The following STYXL2 variants were observed in gnomAD, a reference collection of about 807,000 sequenced individuals.
STYXL2 encodes the protein serine/threonine/tyrosine interacting like 2, also known as serine/threonine/tyrosine-interacting-like protein 2.
Under a neutral mutation model 52.4 loss-of-function variants are expected in STYXL2, and 44 were observed. The ratio of observed to expected loss-of-function variants is 0.84; its 90% CI spans 0.66 to 1.08. STYXL2 has a LOEUF of 1.08. STYXL2 is among the 50% of genes least tolerant of loss of function. The probability of loss-of-function intolerance (pLI) is 0.00; values close to 1 mark genes in which losing one functional copy is unlikely to be tolerated. For missense variants in STYXL2, 1,604 were observed against 1,471.7 expected (o/e 1.09, Z -1.47); for synonymous variants, 604 against 586.9 (o/e 1.03, Z -0.42).
chr1:167,105,223 A>C (rs190699829), intron 2 of STYXL2, among the ~76,000 whole-genome samples: 5 of 146,478 alleles, frequency 3.4e-5, no homozygotes, highest in Non-Finnish European at 7.4e-5. Context: ...CAACCCACTG[A>C]ATTGATTTTA....
intron 2 of STYXL2, among the ~76,000 whole-genome samples, chr1:167,111,695 C>T (rs919102079): frequency 2.0e-5 from 3 of 151,302 alleles, no homozygotes; most frequent in Non-Finnish European, 2.9e-5. Flanking sequence ...AGCTAAGGTA[C>T]GAGGAGGCAA....
rs1667751962 is a variant in STYXL2, at chr1:167,117,453, A to G, written c.331A>G (p.Asn111Asp). 1 of 1,612,764 alleles carries G rather than the reference A, an allele frequency of 6.2e-7. No homozygotes were observed. The highest frequency in any genetic ancestry group is 1.1e-5 in the South Asian group (1 of 90,574). The change falls in exon 4 of 6, where the codon AAT (asparagine) becomes GAT (aspartate). Residue 111 changes from asparagine to aspartate, a missense_variant. By Grantham distance (23) the Asn-to-Asp change is conservative. Coordinates refer to ENST00000361200, the MANE Select transcript of STYXL2 (RefSeq NM_001080426.3). ...REKMDDTSLY[N>D]TPCVLDLQRA... is the part of the protein sequence containing the mutation. The stretch of plus-strand genomic sequence containing the variant: ...GAAGATGGATGACACCAGCCTCTAT[A>G]ATACGCCCTGTGTCCTGGACCTACA...
chr1:167,127,427 G>A lies in STYXL2; in HGVS notation c.2296G>A (p.Asp766Asn). Reference protein sequence around the residue: ...AVPAASCLGDDQVSMLSGHSS... With the variant: ...AVPAASCLGDNQVSMLSGHSS... ...ACCAGCGGCTAGCTGCCTGGGGGAT[G>A]ACCAAGTCTCCATGCTTAGTGGACA... The change falls in exon 6 of 6, where the codon GAC (aspartate) becomes AAC (asparagine). Residue 766 changes from aspartate (D) to asparagine (N), a missense_variant. Asp to Asn is a conservative substitution (Grantham distance 23). Coordinates refer to ENST00000361200, the MANE Select transcript of STYXL2 (RefSeq NM_001080426.3). 1 of 1,614,110 alleles carries A rather than the reference G, an allele frequency of 6.2e-7. No individual in the cohort carries two copies. The highest frequency in any genetic ancestry group is 8.5e-7 in the Non-Finnish European group (1 of 1,179,992).
chr1:167,097,717 T>C (rs758174600), intron 2 of STYXL2, among the ~76,000 whole-genome samples: 5 of 151,012 alleles, frequency 3.3e-5, no homozygotes, highest in Non-Finnish European at 5.9e-5. Flanking sequence ...AAAAGAATAA[T>C]AAGAAAATAG....
At chr1:167,098,945 T>C (rs1027733159) in intron 2 of STYXL2, among the ~76,000 whole-genome samples, 10 of 152,184 alleles carry the variant, frequency 6.6e-5, no homozygotes, top group African/African-American at 2.4e-4. Context: ...CAAATGTCCA[T>C]GAAGTTTCAA....
At chr1:167,101,723 C>G (rs963966122) in intron 2 of STYXL2, among the ~76,000 whole-genome samples, 1 of 151,332 alleles carries the variant, frequency 6.6e-6, no homozygotes, top group Non-Finnish European at 1.5e-5. Flanking sequence ...ATCACTTGAA[C>G]CAGAGAGGTG....
chr1:167,117,849 G>A (rs1363033343), intron 4 of STYXL2, among the ~76,000 whole-genome samples: 2 of 152,302 alleles, frequency 1.3e-5, no homozygotes, highest in African/African-American at 2.4e-5. Flanking sequence ...GAGTCTTGCC[G>A]ACTTCACCAT....
chr1:167,095,151 G>C (rs768264043), intron 2 of STYXL2, among the ~76,000 whole-genome samples, 192 bp downstream of exon 2: 1 of 150,530 alleles, frequency 6.6e-6, no homozygotes, highest in East Asian at 1.9e-4. Context: ...AATGTGGCAG[G>C]TGTGTGCTAG....
At chr1:167,098,678 T>C (rs1255326294) in intron 2 of STYXL2, among the ~76,000 whole-genome samples, 1 of 152,152 alleles carries the variant, frequency 6.6e-6, no homozygotes, top group African/African-American at 2.4e-5. Context: ...TAGAGAGATT[T>C]GAAGACTGGA....
chr1:167,104,210 T>G (rs1328743738), intron 2 of STYXL2, among the ~76,000 whole-genome samples: 1 of 146,688 alleles, frequency 6.8e-6, no homozygotes, highest in Non-Finnish European at 1.5e-5. Flanking sequence ...TTATCATCAG[T>G]TTTCTCTTCT....
intron 2 of STYXL2, among the ~76,000 whole-genome samples, chr1:167,103,720 A>T (rs1364958844): frequency 6.6e-6 from 1 of 152,192 alleles, no homozygotes; most frequent in East Asian, 1.9e-4. Flanking sequence ...TCATGAGTTG[A>T]CACTGAAATT....
intron 2 of STYXL2, among the ~76,000 whole-genome samples, chr1:167,104,696 T>C (rs914627418): frequency 1.3e-5 from 2 of 152,218 alleles, no homozygotes; most frequent in Non-Finnish European, 2.9e-5. Flanking sequence ...TCTTCTTCCT[T>C]AGAGCCTGAA....
chr1:167,115,600 A>G (rs1667707296), intron 3 of STYXL2, among the ~76,000 whole-genome samples: 1 of 152,198 alleles, frequency 6.6e-6, no homozygotes. Flanking sequence ...AGGTGTCAGG[A>G]GTCCCACTTT....
rs981954815 is a variant in STYXL2 at position 167,126,658 on chromosome 1, A to G, written c.1527A>G (p.Ser509=). The G allele has an allele frequency of 6.2e-7, 1 of 1,614,166 alleles. No homozygotes were observed. The highest frequency in any genetic ancestry group is 8.5e-7 in the Non-Finnish European group (1 of 1,180,020). Residue 509 remains serine (S), a synonymous_variant, in exon 6 of 6, where the codon TCA becomes TCG. Coordinates refer to ENST00000361200, the MANE Select transcript of STYXL2 (RefSeq NM_001080426.3). ...SKREEAADRS[S]EAGSRVREDD... is the part of the protein sequence containing the mutation. ...GAGAGGAGGCGGCAGACAGGAGCTCAGAAGCAGGGAGCAGGGTGCGGGAGG... is the reference window on the plus strand; with the variant it reads ...GAGAGGAGGCGGCAGACAGGAGCTCGGAAGCAGGGAGCAGGGTGCGGGAGG...
rs756297966 is a variant in STYXL2, at chr1:167,126,457, C to G, written c.1326C>G (p.Ser442Arg). ...RTLSESSAWE[S>R]VSSHDIWVLK... The stretch of plus-strand genomic sequence containing the variant: ...TGAGCGAGAGCAGCGCCTGGGAGAG[C>G]GTGAGCAGCCACGACATCTGGGTCC... The change falls in exon 6 of 6, where the codon AGC (serine) becomes AGG (arginine). Residue 442 changes from serine (S) to arginine (R), a missense_variant. Coordinates refer to ENST00000361200, the MANE Select transcript of STYXL2 (RefSeq NM_001080426.3). 2 of 1,588,066 alleles carry G rather than the reference C, an allele frequency of 1.3e-6. No homozygotes were observed. The highest frequency in any genetic ancestry group is 3.6e-5 in the Admixed American group (2 of 55,538).
intron 2 of STYXL2, among the ~76,000 whole-genome samples, chr1:167,100,407 A>T (rs1184971851): frequency 6.6e-6 from 1 of 152,198 alleles, no homozygotes; most frequent in Non-Finnish European, 1.5e-5. Flanking sequence ...CTTTGGGGTG[A>T]TTGAGCTTCT....
At position 167,126,352 on chromosome 1, in the gene STYXL2, GT is replaced by G; in HGVS notation, c.1222del (p.Tyr408ThrfsTer27). 6.5e-7 allele frequency: 1 copy of G among 1,540,680 alleles called. No individual in the cohort carries two copies. The highest frequency in any genetic ancestry group is 1.2e-5 in the South Asian group (1 of 81,770). On this transcript the variant is annotated frameshift_variant, in exon 6 of 6. Transcript: ENST00000361200. LOFTEE classifies it low-confidence loss of function (END_TRUNC). ...GAAACGAGAGGTACCAAGCAGAAGG[GT>G]ACCGGAGGTGGGGAAGGGAGGAGGA... ...SRNERYQAEGYRRWGREEEKE... is the reference protein window; with the variant it reads ...SRNERYQAEGXRRWGREEEKE...
intron 3 of STYXL2, among the ~76,000 whole-genome samples, chr1:167,115,309 T>G (rs1461644375): frequency 6.6e-6 from 1 of 152,186 alleles, no homozygotes; most frequent in Non-Finnish European, 1.5e-5. Context: ...AACCTTCCGT[T>G]TTAATGAAAG....
At position 167,105,544 on chromosome 1, in the gene STYXL2, C is replaced by T. The variant is rs547403357; in HGVS notation, c.111-8166C>T. Among the ~76,000 whole-genome samples, 6 of 152,250 alleles carry T rather than the reference C, an allele frequency of 3.9e-5. No individual in the cohort carries two copies. The South Asian group carries it at 1.2e-3, about 32-fold the overall frequency. On this transcript the variant is annotated intron_variant, in intron 2 of 5. Transcript: ENST00000361200. ...CACAGACATAGTCATAAATCAAAACCTCTAGGGCTGCCATCTCACTGACCT... is the reference window on the plus strand; with the variant it reads ...CACAGACATAGTCATAAATCAAAACTTCTAGGGCTGCCATCTCACTGACCT...
Sources: gnomAD v4.1 joint callset for allele counts (sites outside exome capture counted in the v4.1 genomes callset) on GRCh38, gnomAD v4.1.1 for gene constraint, MANE v1.5 for transcripts, NCBI Gene and HGNC (gene_info 2026-07-23, HGNC 2026-07-21) for gene names.